MRRF: variants seen among roughly 807,000 people sequenced by gnomAD.
The protein encoded by MRRF is ribosome-recycling factor, mitochondrial.
MRRF carries 18 observed loss-of-function variants against 25.1 expected under a neutral mutation model. That is an observed-to-expected ratio of 0.72 (90% confidence interval 0.50 to 1.06). The LOEUF (loss-of-function observed/expected upper bound fraction) is 1.06. Ranked by LOEUF, MRRF falls within the 50% of genes least tolerant of loss-of-function variation. MRRF has a pLI of 0.00. For synonymous variants in MRRF, 113 were observed against 112.1 expected (o/e 1.01, Z -0.05); for missense variants, 323 against 319.3 (o/e 1.01, Z -0.09).
chr9:122,294,767 T>C (rs1232184452), intron 5 of MRRF, among the ~76,000 whole-genome samples: 1 of 152,186 alleles, frequency 6.6e-6, no homozygotes, highest in Admixed American at 6.5e-5. Flanking sequence ...ATTTGTAAAA[T>C]AGGTTAGTGC....
chr9:122,312,794 AT>A (rs1835290863), intron 5 of MRRF, among the ~76,000 whole-genome samples: 2 of 152,108 alleles, frequency 1.3e-5, no homozygotes, highest in African/African-American at 4.8e-5. Flanking sequence ...TTTCTTTGTT[AT>A]CAGTGCTCCA....
chr9:122,295,550 A>G (rs1414385566), intron 5 of MRRF, among the ~76,000 whole-genome samples: 3 of 151,812 alleles, frequency 2.0e-5, no homozygotes, highest in Admixed American at 2.0e-4. Flanking sequence ...GGTTCAAGCA[A>G]TTCTCCTGCC....
chr9:122,269,165 CAA>C (rs750976352), intron 1 of MRRF, among the ~76,000 whole-genome samples: 10 of 105,008 alleles, frequency 9.5e-5, no homozygotes, highest in Admixed American at 6.3e-4. Context: ...GACTCTGTCT[CAA>C]AAAAAAAAAA....
chr9:122,286,677 C>T (rs1833426795), intron 4 of MRRF, among the ~76,000 whole-genome samples: 1 of 152,118 alleles, frequency 6.6e-6, no homozygotes, highest in African/African-American at 2.4e-5. Flanking sequence ...CATGCCACTG[C>T]ACTGCAGCCT....
chr9:122,319,363 G>T (rs1835735325), intron 6 of MRRF, among the ~76,000 whole-genome samples: 1 of 151,934 alleles, frequency 6.6e-6, no homozygotes, highest in Non-Finnish European at 1.5e-5. Flanking sequence ...TGTTAGCCAG[G>T]ATGGTCTCGA....
In MRRF at chr9:122,270,960, C is replaced by T. The variant is rs961699003; in HGVS notation, c.69C>T (p.Ile23=). 4 of 1,614,050 alleles carry T rather than the reference C, an allele frequency of 2.5e-6. No homozygotes were observed. The African/African-American group carries it at 5.3e-5, about 22-fold the overall frequency. ...PTFRNYLAAS[I]RPVSEVTLKT... ...TTCGCAATTATCTTGCAGCCTCTAT[C>T]AGACCCGTTTCAGAAGTTACACTGA... Residue 23 remains isoleucine, a synonymous_variant, in exon 2 of 7, where the codon ATC becomes ATT. Transcript: ENST00000344641.
intron 5 of MRRF, among the ~76,000 whole-genome samples, chr9:122,308,614 G>T (rs1459338848): frequency 1.4e-5 from 2 of 146,990 alleles, no homozygotes; most frequent in African/African-American, 5.1e-5. Flanking sequence ...CAGGAGAATC[G>T]CTTGAACCCA....
chr9:122,291,817 G>A lies in MRRF; in HGVS notation c.528G>A (p.Thr176=), dbSNP rs751736456. 5.0e-6 allele frequency: 8 copies of A among 1,613,368 alleles called. No homozygotes were observed. Among genetic ancestry groups the A allele is most frequent in the South Asian group, 3.3e-5 (3 of 91,072 alleles). ...ATCTGAACCCAGAAGTGGAAGGGAC[G>A]CTAATTCGGGTACCCATTCCCCAGT... ...GMNLNPEVEG[T]LIRVPIPQVT... Residue 176 remains threonine (T), a synonymous_variant, in exon 5 of 7, where the codon ACG becomes ACA. Transcript: ENST00000344641.
chr9:122,286,258 G>A, intron 4 of MRRF: 1 of 1,219,568 alleles, frequency 8.2e-7, no homozygotes, highest in Non-Finnish European at 1.1e-6. Flanking sequence ...TGACAAACTA[G>A]GCTAGAGATA....
intron 2 of MRRF, among the ~76,000 whole-genome samples, chr9:122,271,480 T>G (rs900808614): frequency 3.9e-5 from 6 of 152,122 alleles, no homozygotes. Context: ...AGCCATGGAT[T>G]TAGATGGATG....
chr9:122,265,602 A>G (rs1263369548), intron 1 of MRRF: 1 of 409,384 alleles, frequency 2.4e-6, no homozygotes, highest in Non-Finnish European at 4.6e-6. Context: ...CCATTTTGGA[A>G]AGCTTTATAG....
intron 1 of MRRF, among the ~76,000 whole-genome samples, chr9:122,266,577 A>G (rs1407564239): frequency 6.6e-6 from 1 of 152,234 alleles, no homozygotes; most frequent in African/African-American, 2.4e-5. Flanking sequence ...GGTACATGTG[A>G]AAGTATTTTA....
At chr9:122,276,722 G>A (rs1440473184) in intron 2 of MRRF, among the ~76,000 whole-genome samples, 2 of 152,024 alleles carry the variant, frequency 1.3e-5, no homozygotes, top group East Asian at 1.9e-4. Flanking sequence ...AGAATAATGT[G>A]TATTCTTTTT....
At chr9:122,273,636 T>TA (rs964448697) in intron 2 of MRRF, among the ~76,000 whole-genome samples, 2 of 152,316 alleles carry the variant, frequency 1.3e-5, no homozygotes, top group African/African-American at 4.8e-5. Flanking sequence ...CACAATCATG[T>TA]ACTTATTACC....
intron 5 of MRRF, among the ~76,000 whole-genome samples, chr9:122,301,599 G>A (rs1019770417): frequency 2.6e-5 from 4 of 152,092 alleles, no homozygotes; most frequent in Non-Finnish European, 4.4e-5. Flanking sequence ...GATAACCTTC[G>A]GACAGCAGTA....
chr9:122,327,169 G>A lies in MRRF; in HGVS notation c.*4552G>A, dbSNP rs1253140338. ...TGGTAGCTCTTATGGAGACAGTAAA[G>A]ATTACATATTAATCCCCCACCTGTT... On this transcript the variant is annotated 3_prime_UTR_variant, in exon 7 of 7. Transcript: ENST00000344641. The A allele has an allele frequency of 6.6e-6, 1 of 152,184 alleles. No individual in the cohort carries two copies. The highest frequency in any genetic ancestry group is 1.5e-5 in the Non-Finnish European group (1 of 68,024). The allele number at this position is 152,184 out of a possible 1,614,324, so 9.4% of individuals were successfully genotyped here.
chr9:122,319,668 T>G (rs1335000804), intron 6 of MRRF, among the ~76,000 whole-genome samples: 2 of 152,150 alleles, frequency 1.3e-5, no homozygotes, highest in Non-Finnish European at 2.9e-5. Flanking sequence ...TTATAGGGAT[T>G]GTGTGCAATA....
At chr9:122,290,428 T>C (rs77994358) in intron 4 of MRRF, among the ~76,000 whole-genome samples, 1 of 152,348 alleles carries the variant, frequency 6.6e-6, no homozygotes, top group East Asian at 1.9e-4. Flanking sequence ...TGTTAGATTC[T>C]GTGTACAGCC....
rs144884853 is a variant in MRRF, at chr9:122,296,729, A to T, written c.551+4889A>T. On this transcript the variant is annotated intron_variant, in intron 5 of 6. Coordinates refer to ENST00000344641, the MANE Select transcript of MRRF (RefSeq NM_138777.5). ...AGGTTTCTGCCTCCACCTTATTCAC[A>T]TCATCATTATGCCCCCAAGCAAATA... Among the ~76,000 whole-genome samples, 558 of 152,288 alleles carry T rather than the reference A, an allele frequency of 3.7e-3. 6 individuals are homozygous for T. The highest frequency in any genetic ancestry group is 0.013 in the African/African-American group (522 of 41,532).
Sources: gnomAD v4.1 joint callset for allele counts (sites outside exome capture counted in the v4.1 genomes callset) on GRCh38, gnomAD v4.1.1 for gene constraint, MANE v1.5 for transcripts, NCBI Gene and HGNC (gene_info 2026-07-23, HGNC 2026-07-21) for gene names.